PVT1: variants seen among roughly 807,000 people sequenced by gnomAD.
PVT1 encodes Pvt1 oncogene.
chr8:127,799,111 T>TTG lies in PVT1; in HGVS notation n.372+3051_372+3052dup, dbSNP rs144591552. Among the ~76,000 whole-genome samples the TTG allele has an allele frequency of 7.4e-3, 1,131 of 152,154 alleles. 14 individuals carry two copies. Among genetic ancestry groups the TTG allele is most frequent in the Non-Finnish European group, 8.9e-3 (602 of 68,004 alleles). On this transcript the variant is annotated intron_variant and non_coding_transcript_variant, in intron 2 of 10. Transcript: ENST00000651587. ...TTTTTTTTCCTTTATCTTTTCCTTT[T>TTG]TGTGTGTGTGTGGAGTTAGGTGGGG...
chr8:127,869,422 C>T (rs370434665), intron 2 of PVT1, among the ~76,000 whole-genome samples: 5 of 152,294 alleles, frequency 3.3e-5, no homozygotes, highest in South Asian at 4.1e-4. Flanking sequence ...TGAGCCACCA[C>T]GCTTGGCCTA....
chr8:127,805,387 G>A (rs1586387123), intron 2 of PVT1, among the ~76,000 whole-genome samples: 1 of 152,000 alleles, frequency 6.6e-6, no homozygotes, highest in East Asian at 1.9e-4. Context: ...CAAATTCTCA[G>A]TCCTAGGATT....
chr8:127,971,481 C>T (rs780548050), intron 3 of PVT1, among the ~76,000 whole-genome samples: 5 of 152,230 alleles, frequency 3.3e-5, no homozygotes, highest in Non-Finnish European at 5.9e-5. Flanking sequence ...TATCTCTTCC[C>T]ATGCAATAGC....
chr8:127,987,602 C>T (rs1164941018), intron 3 of PVT1, among the ~76,000 whole-genome samples: 1 of 152,192 alleles, frequency 6.6e-6, no homozygotes, highest in Admixed American at 6.5e-5. Context: ...CAAAGATTCT[C>T]ACTTAACACC....
intron 3 of PVT1, among the ~76,000 whole-genome samples, chr8:127,954,363 C>T (rs1253626154): frequency 2.0e-5 from 3 of 146,460 alleles, no homozygotes; most frequent in Non-Finnish European, 3.0e-5. Context: ...GGCGCCATCT[C>T]GGTTCACTGC....
chr8:127,805,562 G>A (rs909464017), intron 2 of PVT1, among the ~76,000 whole-genome samples: 67 of 152,022 alleles, frequency 4.4e-4, no homozygotes, highest in Admixed American at 2.9e-3. Flanking sequence ...TTATATGCTC[G>A]CACATGTTTA....
At chr8:127,836,106 A>G (rs1317910019) in intron 2 of PVT1, among the ~76,000 whole-genome samples, 1 of 151,988 alleles carries the variant, frequency 6.6e-6, no homozygotes, top group Non-Finnish European at 1.5e-5. Context: ...CCTAACCTCC[A>G]TTTCTCATCA....
At chr8:127,864,397 AG>A (rs1815261784) in intron 2 of PVT1, among the ~76,000 whole-genome samples, 2 of 152,234 alleles carry the variant, frequency 1.3e-5, no homozygotes, top group South Asian at 4.1e-4. Context: ...GCCTGCCGTC[AG>A]GGTTTGTGGG....
chr8:127,856,877 A>G (rs932100374), intron 2 of PVT1, among the ~76,000 whole-genome samples: 3 of 152,114 alleles, frequency 2.0e-5, no homozygotes, highest in Non-Finnish European at 4.4e-5. Context: ...GAGGAGGGAA[A>G]CCTTCCATCC....
At chr8:127,969,955 C>G (rs1386367239) in intron 3 of PVT1, among the ~76,000 whole-genome samples, 2 of 152,184 alleles carry the variant, frequency 1.3e-5, no homozygotes, top group African/African-American at 4.8e-5. Context: ...GCAGTGGGCC[C>G]AGGGGTGATA....
At chr8:127,956,138 C>T (rs1268923656) in intron 3 of PVT1, among the ~76,000 whole-genome samples, 3 of 152,240 alleles carry the variant, frequency 2.0e-5, no homozygotes, top group Admixed American at 6.5e-5. Flanking sequence ...AGAAGGGCAT[C>T]TGGGACCCAA....
intron 2 of PVT1, among the ~76,000 whole-genome samples, chr8:127,840,355 A>G (rs1225573573): frequency 6.6e-6 from 1 of 152,214 alleles, no homozygotes; most frequent in East Asian, 1.9e-4. Context: ...AGTCCAGACT[A>G]CGTGCCTCAT....
intron 2 of PVT1, among the ~76,000 whole-genome samples, chr8:127,839,585 T>TA (rs1215776062): frequency 8.9e-5 from 12 of 134,298 alleles, no homozygotes; most frequent in African/African-American, 1.9e-4. Context: ...AAAAAAAAAA[T>TA]AAAAAAAAAT....
At chr8:128,078,796 T>C (rs1814130027) in intron 5 of PVT1, among the ~76,000 whole-genome samples, 1 of 152,214 alleles carries the variant, frequency 6.6e-6, no homozygotes, top group African/African-American at 2.4e-5. Flanking sequence ...TGTCCGTTTA[T>C]ACCAGTGTTG....
chr8:127,831,165 A>G (rs1814847139), intron 2 of PVT1, among the ~76,000 whole-genome samples: 1 of 151,226 alleles, frequency 6.6e-6, no homozygotes, highest in Non-Finnish European at 1.5e-5. Flanking sequence ...CTATATATAT[A>G]TATATCTCCT....
At chr8:127,804,980 G>T (rs1474898105) in intron 2 of PVT1, among the ~76,000 whole-genome samples, 2 of 148,682 alleles carry the variant, frequency 1.3e-5, no homozygotes, top group African/African-American at 5.0e-5. Flanking sequence ...GCCCAGGCTG[G>T]AGGGCAATGG....
chr8:127,833,117 C>T (rs1814871398), intron 2 of PVT1, among the ~76,000 whole-genome samples: 1 of 152,160 alleles, frequency 6.6e-6, no homozygotes, highest in African/African-American at 2.4e-5. Flanking sequence ...GCTCTGGTCT[C>T]AGCCTTTCTG....
intron 4 of PVT1, among the ~76,000 whole-genome samples, chr8:128,054,789 C>T (rs1178286848): frequency 6.6e-6 from 1 of 152,200 alleles, no homozygotes; most frequent in Non-Finnish European, 1.5e-5. Context: ...GAGAGAAATG[C>T]CATGTGATGG....
intron 2 of PVT1, among the ~76,000 whole-genome samples, chr8:127,868,782 T>TATAC (rs1563625649): frequency 1.6e-5 from 1 of 60,656 alleles, no homozygotes; most frequent in South Asian, 6.0e-4. Context: ...TATATATATA[T>TATAC]ATATATATAT....
Sources: allele counts gnomAD v4.1 joint callset (sites outside exome capture counted in the v4.1 genomes callset), GRCh38; gene constraint gnomAD v4.1.1; transcripts MANE v1.5; gene names NCBI Gene and HGNC (gene_info 2026-07-23, HGNC 2026-07-21).